SETD3: variants seen among roughly 807,000 people sequenced by gnomAD.
The protein encoded by SETD3 is SET domain containing 3, actin N3(tau)-histidine methyltransferase.
Under a neutral mutation model 63.0 loss-of-function variants are expected in SETD3, and 19 were observed. The ratio of observed to expected loss-of-function variants is 0.30; its 90% CI spans 0.21 to 0.44. SETD3 has a LOEUF of 0.44. Ranked by LOEUF, SETD3 falls within the 20% of genes least tolerant of loss-of-function variation. The pLI, the probability that SETD3 is intolerant of heterozygous loss-of-function variation, is 1.00. For synonymous variants in SETD3, 286 were observed against 264.1 expected (o/e 1.08, Z -0.80); for missense variants, 587 against 728.5 (o/e 0.81, Z 2.24).
At chr14:99,437,529 C>G (rs939628279) in intron 6 of SETD3, among the ~76,000 whole-genome samples, 1 of 152,346 alleles carries the variant, frequency 6.6e-6, no homozygotes, top group East Asian at 1.9e-4. Flanking sequence ...ACCAGCACCT[C>G]TCTGCAATCC....
chr14:99,403,449 A>ACTCT, intron 11 of SETD3, among the ~76,000 whole-genome samples: 1 of 110,618 alleles, frequency 9.0e-6, no homozygotes, highest in Non-Finnish European at 1.8e-5. Context: ...ACACACACAC[A>ACTCT]CACACACTCT....
At chr14:99,405,844 C>T (rs1891652404) in intron 9 of SETD3, among the ~76,000 whole-genome samples, 1 of 152,182 alleles carries the variant, frequency 6.6e-6, no homozygotes, top group African/African-American at 2.4e-5. Flanking sequence ...GGCAATTAAT[C>T]CTGCACCTGG....
chr14:99,444,130 C>A lies in SETD3; in HGVS notation c.675+14149G>T, dbSNP rs116321152. Among the ~76,000 whole-genome samples the A allele has an allele frequency of 2.7e-3, 407 of 152,278 alleles. 5 individuals carry two copies. Among genetic ancestry groups the A allele is most frequent in the African/African-American group, 9.4e-3 (391 of 41,540 alleles). On this transcript the variant is annotated intron_variant, in intron 6 of 12. Coordinates refer to ENST00000331768, the MANE Select transcript of SETD3 (RefSeq NM_032233.3). ...ATCTGAGGTACTGTTCTTCTGGGGT[C>A]CACTGCATCCCACAAAAACATCAGT...
At chr14:99,415,371 A>G (rs188144596) in intron 6 of SETD3, among the ~76,000 whole-genome samples, 1 of 152,348 alleles carries the variant, frequency 6.6e-6, no homozygotes, top group East Asian at 1.9e-4. Context: ...GACAATATTC[A>G]AAACTGGAAT....
chr14:99,451,024 T>A (rs1894428885), intron 6 of SETD3, among the ~76,000 whole-genome samples: 1 of 152,222 alleles, frequency 6.6e-6, no homozygotes, highest in Non-Finnish European at 1.5e-5. Flanking sequence ...TCTATTAATT[T>A]ATTTTTCATT....
upstream of SETD3, chr14:99,481,196 G>C (rs1896298275): frequency 5.1e-6 from 2 of 389,372 alleles, no homozygotes; most frequent in Non-Finnish European, 9.1e-6. Flanking sequence ...TTTTCGCCCC[G>C]AGGGGCGGGA....
At chr14:99,449,610 C>T (rs1894341572) in intron 6 of SETD3, among the ~76,000 whole-genome samples, 1 of 152,156 alleles carries the variant, frequency 6.6e-6, no homozygotes, top group Admixed American at 6.5e-5. Context: ...AAGGAACTAT[C>T]CCAGGCTGGA....
chr14:99,449,626 T>C (rs934701042), intron 6 of SETD3, among the ~76,000 whole-genome samples: 6 of 152,168 alleles, frequency 3.9e-5, no homozygotes, highest in Non-Finnish European at 7.3e-5. Context: ...CTGGAAGTGA[T>C]TTGAGAAGAT....
chr14:99,454,725 G>C (rs1384962953), intron 6 of SETD3, among the ~76,000 whole-genome samples: 1 of 150,612 alleles, frequency 6.6e-6, no homozygotes, highest in Non-Finnish European at 1.5e-5. Flanking sequence ...TACAGATACG[G>C]GAAGGAAGGC....
chr14:99,481,644 G>T (rs1047053296), upstream of SETD3: 9 of 389,498 alleles, frequency 2.3e-5, no homozygotes, highest in South Asian at 1.4e-4. Context: ...GGCGACGCGG[G>T]GTTGTGGGGC....
At chr14:99,481,589 A>C, upstream of SETD3, 1 of 395,594 alleles carries the variant, frequency 2.5e-6, no homozygotes, top group Admixed American at 4.4e-5. Flanking sequence ...CTCTTTCCGG[A>C]TTCTGCCTCC....
rs554205796 is a variant in SETD3 at position 99,422,691 on chromosome 14, A to G, written c.676-8757T>C. ...CTCAAAGAGCACCATCTAAATCCAC[A>G]CATCACATACACTGCCTTGTCACCA... On this transcript the variant is annotated intron_variant, in intron 6 of 12. Transcript: ENST00000331768. Among the ~76,000 whole-genome samples, 316 of 152,338 alleles carry G rather than the reference A, an allele frequency of 2.1e-3. 1 individual carries two copies. Among genetic ancestry groups the G allele is most frequent in the African/African-American group, 7.6e-3 (314 of 41,572 alleles).
At chr14:99,414,614 T>C (rs1892191512) in intron 6 of SETD3, among the ~76,000 whole-genome samples, 1 of 152,214 alleles carries the variant, frequency 6.6e-6, no homozygotes, top group Non-Finnish European at 1.5e-5. Context: ...AAAAGAACAT[T>C]TGGTAAAAAT....
At chr14:99,485,434 A>G (rs911179205), upstream of SETD3, among the ~76,000 whole-genome samples, 2 of 152,146 alleles carry the variant, frequency 1.3e-5, no homozygotes, top group Non-Finnish European at 2.9e-5. Flanking sequence ...ATTATTTAAA[A>G]ATATCTTTCT....
chr14:99,442,777 G>C (rs1383666377), intron 6 of SETD3, among the ~76,000 whole-genome samples: 1 of 152,176 alleles, frequency 6.6e-6, no homozygotes, highest in Non-Finnish European at 1.5e-5. Flanking sequence ...GTTTTGGGGA[G>C]TTAGAAGTTA....
At chr14:99,414,867 C>CA (rs1275407359) in intron 6 of SETD3, among the ~76,000 whole-genome samples, 1 of 152,186 alleles carries the variant, frequency 6.6e-6, no homozygotes, top group Non-Finnish European at 1.5e-5. Flanking sequence ...GTCTCCGCAC[C>CA]ACTTTTAATG....
In SETD3 at chr14:99,441,339, C is replaced by T. The variant is rs536531659; in HGVS notation, c.675+16940G>A. 5.3e-5 allele frequency among the ~76,000 whole-genome samples: 8 copies of T among 152,328 alleles called. No homozygotes were observed. The South Asian group carries it at 8.3e-4, about 16-fold the overall frequency. On this transcript the variant is annotated intron_variant, in intron 6 of 12. Coordinates refer to ENST00000331768, the MANE Select transcript of SETD3 (RefSeq NM_032233.3). The stretch of plus-strand genomic sequence containing the variant: ...AGAGCCTGGCCACACGTGACTTACA[C>T]GTAGAGAACAAGGCAATCAGTTCCC...
upstream of SETD3, chr14:99,481,218 G>A (rs1257532167): frequency 1.0e-5 from 4 of 393,798 alleles, no homozygotes; most frequent in Non-Finnish European, 1.8e-5. Flanking sequence ...CGACGGGATG[G>A]GCCCTGTGGC....
chr14:99,466,440 C>T (rs896623352), intron 1 of SETD3, among the ~76,000 whole-genome samples: 2 of 152,346 alleles, frequency 1.3e-5, no homozygotes, highest in Admixed American at 6.5e-5. Flanking sequence ...GTGCCACACA[C>T]GGGTCCTCTG....
Sources: gnomAD v4.1 joint callset for allele counts (sites outside exome capture counted in the v4.1 genomes callset) on GRCh38, gnomAD v4.1.1 for gene constraint, MANE v1.5 for transcripts, NCBI Gene and HGNC (gene_info 2026-07-23, HGNC 2026-07-21) for gene names.